Variants in C15orf40 observed in about 807,000 individuals in gnomAD.
The protein encoded by C15orf40 is chromosome 15 open reading frame 40.
A neutral mutation model predicts 13.9 loss-of-function variants in C15orf40; 9 were observed. The observed-to-expected ratio is 0.65, with a 90% CI of 0.39 to 1.13. The LOEUF is 1.13. Ranked by LOEUF, C15orf40 falls within the 50% of genes most tolerant of loss-of-function variation. The probability of loss-of-function intolerance (pLI) is 0.01; values close to 1 mark genes in which losing one functional copy is unlikely to be tolerated. For missense variants in C15orf40, 225 were observed against 188.5 expected (o/e 1.19, Z -1.13); for synonymous variants, 95 against 69.2 (o/e 1.37, Z -1.85).
chr15:82,990,784 A>C, downstream of C15orf40: 2 of 737,402 alleles, frequency 2.7e-6, no homozygotes, highest in Non-Finnish European at 4.6e-6. Context: ...AAATTCACAC[A>C]TAAGAAAGTT....
In C15orf40 at chr15:83,010,380, A is replaced by G; in HGVS notation, c.112-17T>C. 1 of 1,613,988 alleles carries G rather than the reference A, an allele frequency of 6.2e-7. No homozygotes were observed. Among genetic ancestry groups the G allele is most frequent in the Non-Finnish European group, 8.5e-7 (1 of 1,179,886 alleles). Reference sequence around the variant, plus strand: ...GCTTTTACCCTAAAATGACAACCACACAACTTTACAGGTTACAAAATATTT... The same window carrying G: ...GCTTTTACCCTAAAATGACAACCACGCAACTTTACAGGTTACAAAATATTT... On this transcript the variant is annotated splice_polypyrimidine_tract_variant and intron_variant, in intron 1 of 3. Transcript: ENST00000304177.
At position 83,001,542 on chromosome 15, in the gene C15orf40, A is replaced by G. The variant is rs1303123580; in HGVS notation, c.*4055T>C. ...TCAAGTCACTATAGACTGCCTAGCC[A>G]GTACTCACTTGAAATTAATGGGAGT... is the stretch of plus-strand genomic sequence containing the variant. On this transcript the variant is annotated 3_prime_UTR_variant, in exon 4 of 4. Transcript: ENST00000304177. The G allele has an allele frequency of 1.3e-5, 2 of 153,422 alleles. No homozygotes were observed. The highest frequency in any genetic ancestry group is 4.8e-5 in the African/African-American group (2 of 41,486). The allele number at this position is 153,422 out of a possible 1,614,324, so 9.5% of individuals were successfully genotyped here. A position where few individuals can be genotyped will look rare whatever the true frequency, so the allele number is the denominator to read the frequency against.
downstream of C15orf40, chr15:82,990,066 G>A (rs1251562854): frequency 7.4e-6 from 10 of 1,360,216 alleles, no homozygotes; most frequent in Non-Finnish European, 7.9e-6. Context: ...GGTTACTACT[G>A]ATAGAAATGT....
In C15orf40 at chr15:82,999,906, G is replaced by A. The variant is rs1471200538; in HGVS notation, c.*5691C>T. 6.6e-6 allele frequency: 1 copy of A among 152,178 alleles called. No homozygotes were observed. The highest frequency in any genetic ancestry group is 2.4e-5 in the African/African-American group (1 of 41,424). The allele number at this position is 152,178 out of a possible 1,614,324, so 9.4% of individuals were successfully genotyped here. Reference sequence around the variant, plus strand: ...AATAACTAAATTATGAGGATTGTCTGAGGAATGCCTATGTGGGTAGAAATA... The same window carrying A: ...AATAACTAAATTATGAGGATTGTCTAAGGAATGCCTATGTGGGTAGAAATA... On this transcript the variant is annotated 3_prime_UTR_variant, in exon 4 of 4. Coordinates refer to ENST00000304177, the MANE Select transcript of C15orf40 (RefSeq NM_144597.3).
At position 82,998,015 on chromosome 15, in the gene C15orf40, C is replaced by T. The variant is rs1178353423; in HGVS notation, c.*7582G>A. The T allele has an allele frequency of 7.0e-6, 1 of 143,126 alleles. No homozygotes were observed. Among genetic ancestry groups the T allele is most frequent in the Non-Finnish European group, 1.5e-5 (1 of 65,204 alleles). 8.9% of individuals were successfully genotyped at this position (143,126 alleles called of 1,614,324 possible). ...GGCGGCTGGCCAGGCGGGGGGCTGA[C>T]CCCCCCACCTCCCTCCCGGACGGGG... On this transcript the variant is annotated 3_prime_UTR_variant, in exon 4 of 4. Coordinates refer to ENST00000304177, the MANE Select transcript of C15orf40 (RefSeq NM_144597.3).
At chr15:83,006,825 G>A (rs1401415156) in intron 3 of C15orf40, among the ~76,000 whole-genome samples, 1 of 152,220 alleles carries the variant, frequency 6.6e-6, no homozygotes, top group East Asian at 1.9e-4. Context: ...TAAAATTTGA[G>A]AAGGGGTTTA....
intron 3 of C15orf40, among the ~76,000 whole-genome samples, chr15:83,007,075 C>G (rs2031726960): frequency 6.6e-6 from 1 of 152,158 alleles, no homozygotes; most frequent in Non-Finnish European, 1.5e-5. Flanking sequence ...CATGGCTGGG[C>G]CCCCCTCCTG....
rs1280814512 is a variant in C15orf40 at position 83,008,730 on chromosome 15, G to A, written c.239-55C>T. On this transcript the variant is annotated intron_variant, in intron 2 of 3. Coordinates refer to ENST00000304177, the MANE Select transcript of C15orf40 (RefSeq NM_144597.3). The stretch of plus-strand genomic sequence containing the variant: ...TTAAGGAGTTCTTTTTCTTCATGAA[G>A]CAAGGACATTTTGTAAAAGAGTTTT... The A allele has an allele frequency of 8.6e-6, 13 of 1,519,266 alleles. No individual in the cohort carries two copies. The East Asian group carries it at 3.0e-4, about 35-fold the overall frequency. 94.1% of individuals were successfully genotyped at this position (1,519,266 alleles called of 1,614,324 possible). A position where few individuals can be genotyped will look rare whatever the true frequency, so the allele number is the denominator to read the frequency against.
rs759307188 is a variant in C15orf40 at position 83,004,838 on chromosome 15, C to G, written c.*759G>C. On this transcript the variant is annotated 3_prime_UTR_variant, in exon 4 of 4. Coordinates refer to ENST00000304177, the MANE Select transcript of C15orf40 (RefSeq NM_144597.3). ...TGTAAACTGGATTAGAAGGCAATCCCCAGAATTCCAGAACCGTTGTGGAGA... is the reference window on the plus strand; with the variant it reads ...TGTAAACTGGATTAGAAGGCAATCCGCAGAATTCCAGAACCGTTGTGGAGA... 7.0e-6 allele frequency: 9 copies of G among 1,285,298 alleles called. 1 individual carries two copies. The South Asian group carries it at 1.0e-4, about 15-fold the overall frequency. 79.6% of individuals were successfully genotyped at this position (1,285,298 alleles called of 1,614,324 possible). A position where few individuals can be genotyped will look rare whatever the true frequency, so the allele number is the denominator to read the frequency against.
At chr15:83,005,959 C>T (rs1421202397) in intron 3 of C15orf40, among the ~76,000 whole-genome samples, 3 of 152,074 alleles carry the variant, frequency 2.0e-5, no homozygotes, top group Non-Finnish European at 2.9e-5. Flanking sequence ...GGGCCAGGCG[C>T]GGTGGCTCAC....
intron 3 of C15orf40, chr15:83,006,430 C>T (rs1333968747): frequency 2.0e-6 from 2 of 985,126 alleles, no homozygotes; most frequent in Non-Finnish European, 2.4e-6. Flanking sequence ...GCCACATATC[C>T]AAGTGCCACG....
At chr15:83,010,124 G>T (rs1053653981) in intron 2 of C15orf40, 113 bp downstream of exon 2, 12 of 1,382,750 alleles carry the variant, frequency 8.7e-6, no homozygotes, top group Non-Finnish European at 1.1e-5. Context: ...GCCTCTAACT[G>T]CAGATGTGAA....
At chr15:82,990,719 G>A (rs1218779088), downstream of C15orf40, 3 of 1,330,704 alleles carry the variant, frequency 2.3e-6, no homozygotes. Flanking sequence ...TGGGATAAGG[G>A]TACACATCAT....
At chr15:82,993,860 A>G (rs2030953684), downstream of C15orf40, among the ~76,000 whole-genome samples, 1 of 152,250 alleles carries the variant, frequency 6.6e-6, no homozygotes, top group South Asian at 2.1e-4. Flanking sequence ...CCATTTGGAA[A>G]TTAGTAGTGA....
Position 83,005,635 on chromosome 15 carries a change from T to A in C15orf40, c.424A>T (p.Ile142Phe). The A allele has an allele frequency of 6.2e-7, 1 of 1,612,352 alleles. No homozygotes were observed. Among genetic ancestry groups the A allele is most frequent in the Non-Finnish European group, 8.5e-7 (1 of 1,179,260 alleles). Residue 142 changes from isoleucine (I) to phenylalanine (F), a missense_variant, in exon 4 of 4, where the codon ATC (isoleucine) becomes TTC (phenylalanine). Transcript: ENST00000304177. ...GCTTCCTTTTTTAATTTCTCCAAGA[T>A]CTCTTCTGGAGTTGTAGAAGCCAAA... ...KLLASTTPEE[I>F]LEKLKKEAKK...
Position 83,005,563 on chromosome 15 carries a change from C to A in C15orf40, c.*34G>T. On this transcript the variant is annotated 3_prime_UTR_variant, in exon 4 of 4. Coordinates refer to ENST00000304177, the MANE Select transcript of C15orf40 (RefSeq NM_144597.3). Reference sequence around the variant, plus strand: ...CCTCCCAAAGTGCTGGGATTACAGGCATGAGCCACTGCGCCCGGCCTCATT... The same window carrying A: ...CCTCCCAAAGTGCTGGGATTACAGGAATGAGCCACTGCGCCCGGCCTCATT... 1.3e-6 allele frequency: 2 copies of A among 1,568,102 alleles called. No individual in the cohort carries two copies. The highest frequency in any genetic ancestry group is 1.7e-6 in the Non-Finnish European group (2 of 1,155,234).
At position 82,998,910 on chromosome 15, in the gene C15orf40, T is replaced by G. The variant is rs937166103; in HGVS notation, c.*6687A>C. ...AGCACTGAGTGAACGAGACTCCGTC[T>G]GCAATCCCGGCACCTCGGGAGGCCG... On this transcript the variant is annotated 3_prime_UTR_variant, in exon 4 of 4. Transcript: ENST00000304177. The G allele has an allele frequency of 1.4e-5, 2 of 139,420 alleles. No homozygotes were observed. Among genetic ancestry groups the G allele is most frequent in the African/African-American group, 5.6e-5 (2 of 35,596 alleles). The allele number at this position is 139,420 out of a possible 1,614,324, so 8.6% of individuals were successfully genotyped here. A position where few individuals can be genotyped will look rare whatever the true frequency, so the allele number is the denominator to read the frequency against.
intron 3 of C15orf40, chr15:83,006,460 C>G (rs1008194298): frequency 2.0e-6 from 2 of 985,172 alleles, no homozygotes; most frequent in Non-Finnish European, 1.2e-6. Context: ...CCACTTAAAA[C>G]TTTAAAAAGG....
In C15orf40 at chr15:83,010,349, GC is replaced by G. The variant is rs766001761; in HGVS notation, c.125del (p.Ser42ThrfsTer11). On this transcript the variant is annotated frameshift_variant, in exon 2 of 4. Transcript: ENST00000304177. LOFTEE classifies it high-confidence loss of function. ...AGATTKGKSQ[S>X]KEPERPLPPL... ...GAGGAAGTGGTCTCTCTGGTTCCTT[GC>G]TCTGGCTTTTACCCTAAAATGACAA... 6.2e-7 allele frequency: 1 copy of G among 1,614,158 alleles called. No individual in the cohort carries two copies. Among genetic ancestry groups the G allele is most frequent in the Admixed American group, 1.7e-5 (1 of 60,012 alleles).
Sources: allele counts gnomAD v4.1 joint callset (sites outside exome capture counted in the v4.1 genomes callset), GRCh38; gene constraint gnomAD v4.1.1; transcripts MANE v1.5; gene names NCBI Gene and HGNC (gene_info 2026-07-23, HGNC 2026-07-21).